The following RYR3 variants were observed in gnomAD, a reference collection of about 807,000 sequenced individuals.
RYR3 encodes the protein brain ryanodine receptor-calcium release channel.
In RYR3, 207 loss-of-function variants were observed where a neutral mutation model predicts 584.3. The ratio of observed to expected loss-of-function variants is 0.35; its 90% CI spans 0.32 to 0.40. The LOEUF (loss-of-function observed/expected upper bound fraction) is 0.40, where lower values mean the gene tolerates loss of function less well. Ranked by LOEUF, RYR3 falls within the 10% of genes least tolerant of loss-of-function variation. The probability of loss-of-function intolerance (pLI) is 1.00; values close to 1 mark genes in which losing one functional copy is unlikely to be tolerated. For synonymous variants in RYR3, 2,416 were observed against 2,248.5 expected (o/e 1.07, Z -2.11); for missense variants, 5,616 against 6,089.2 (o/e 0.92, Z 2.59).
At chr15:33,467,704 G>A (rs2048598564) in intron 1 of RYR3, among the ~76,000 whole-genome samples, 1 of 152,188 alleles carries the variant, frequency 6.6e-6, no homozygotes, top group African/African-American at 2.4e-5. Context: ...AGGAATAGCT[G>A]GCGTGTGTGA....
intron 1 of RYR3, among the ~76,000 whole-genome samples, chr15:33,314,786 T>C (rs1392208848): frequency 2.0e-5 from 3 of 152,042 alleles, no homozygotes; most frequent in Admixed American, 6.5e-5. Context: ...TGGTGGTGGG[T>C]GCCTGTAGTC....
rs560707720 is a variant in RYR3 at position 33,326,773 on chromosome 15, T to C, written c.51+15677T>C. Among the ~76,000 whole-genome samples, 4 of 152,294 alleles carry C rather than the reference T, an allele frequency of 2.6e-5. No individual in the cohort carries two copies. The South Asian group carries it at 6.2e-4, about 24-fold the overall frequency. Reference sequence around the variant, plus strand: ...GCAAATCAAGACAATCTGGCCTTAATTCTTTAGGTAATGGAGAACTAGCTA... The same window carrying C: ...GCAAATCAAGACAATCTGGCCTTAACTCTTTAGGTAATGGAGAACTAGCTA... On this transcript the variant is annotated intron_variant, in intron 1 of 103. Transcript: ENST00000634891.
chr15:33,585,027 T>A (rs2058777398), intron 15 of RYR3, among the ~76,000 whole-genome samples: 1 of 152,074 alleles, frequency 6.6e-6, no homozygotes, highest in Non-Finnish European at 1.5e-5. Context: ...AGTGTGGTCA[T>A]CATTGGGAAG....
At chr15:33,822,928 G>A in intron 80 of RYR3, 68 bp from the exon 81 acceptor site, 1 of 1,321,020 alleles carries the variant, frequency 7.6e-7, no homozygotes, top group Non-Finnish European at 1.1e-6. Context: ...TCTCCATCAG[G>A]ATTAGGAGGG....
chr15:33,484,565 A>G (rs1405831364), intron 2 of RYR3, among the ~76,000 whole-genome samples: 1 of 152,184 alleles, frequency 6.6e-6, no homozygotes, highest in Non-Finnish European at 1.5e-5. Flanking sequence ...ACTTGTGATC[A>G]TTGTATAGAT....
At chr15:33,823,516 C>A (rs1374036808) in intron 81 of RYR3, among the ~76,000 whole-genome samples, 1 of 152,148 alleles carries the variant, frequency 6.6e-6, no homozygotes, top group Non-Finnish European at 1.5e-5. Context: ...CTTAACAATT[C>A]TTTGAGCTTG....
intron 3 of RYR3, among the ~76,000 whole-genome samples, chr15:33,520,457 G>C (rs1451454459): frequency 6.6e-6 from 1 of 152,184 alleles, no homozygotes; most frequent in Non-Finnish European, 1.5e-5. Context: ...CTGATGAGGA[G>C]GAGGAGTATG....
intron 48 of RYR3, among the ~76,000 whole-genome samples, chr15:33,735,884 G>A (rs1596359950): frequency 6.6e-6 from 1 of 152,186 alleles, no homozygotes; most frequent in African/African-American, 2.4e-5. Flanking sequence ...CCTCTGCAGA[G>A]TTCAGGGGAC....
intron 32 of RYR3, among the ~76,000 whole-genome samples, chr15:33,656,130 A>G (rs2062811218): frequency 6.6e-6 from 1 of 152,246 alleles, no homozygotes; most frequent in Non-Finnish European, 1.5e-5. Context: ...GTTTGGATTT[A>G]CAAGAGGGGT....
chr15:33,831,952 C>G (rs1259633628), intron 86 of RYR3, among the ~76,000 whole-genome samples: 1 of 152,118 alleles, frequency 6.6e-6, no homozygotes, highest in Non-Finnish European at 1.5e-5. Context: ...AAAGAGCTTA[C>G]AGTGCAATTG....
At chr15:33,512,709 T>G (rs2596211) in intron 3 of RYR3, among the ~76,000 whole-genome samples, 108,891 of 152,162 alleles carry the variant, frequency 0.72, 40,529 homozygotes, top group African/African-American at 0.92. Context: ...TTGTCATAAT[T>G]GTATCTGTGA....
At chr15:33,603,711 A>T (rs998903224) in intron 18 of RYR3, among the ~76,000 whole-genome samples, 1 of 152,198 alleles carries the variant, frequency 6.6e-6, no homozygotes, top group Non-Finnish European at 1.5e-5. Flanking sequence ...TTTTATCCTC[A>T]CAGGGAGCCC....
intron 93 of RYR3, among the ~76,000 whole-genome samples, chr15:33,847,884 CAT>C (rs2078827856): frequency 6.6e-6 from 1 of 152,190 alleles, no homozygotes; most frequent in South Asian, 2.1e-4. Flanking sequence ...AACATTTCAT[CAT>C]ATTCCTGTGG....
chr15:33,792,938 C>T (rs1213354838), intron 67 of RYR3, among the ~76,000 whole-genome samples: 1 of 152,110 alleles, frequency 6.6e-6, no homozygotes, highest in Non-Finnish European at 1.5e-5. Flanking sequence ...AGTGCAGATC[C>T]CACAGGTCAA....
intron 16 of RYR3, among the ~76,000 whole-genome samples, chr15:33,593,485 A>G (rs2059232390): frequency 6.6e-6 from 1 of 152,198 alleles, no homozygotes; most frequent in Non-Finnish European, 1.5e-5. Flanking sequence ...GGAAAAATCC[A>G]TATAGGCCAC....
At chr15:33,743,397 T>C (rs1365460680) in intron 52 of RYR3, among the ~76,000 whole-genome samples, 1 of 152,216 alleles carries the variant, frequency 6.6e-6, no homozygotes, top group Non-Finnish European at 1.5e-5. Flanking sequence ...CCATCTCCAT[T>C]GCAACAACTC....
At position 33,785,921 on chromosome 15, in the gene RYR3, T is replaced by C. The variant is rs748469169; in HGVS notation, c.9528T>C (p.Ile3176=). 6.2e-7 allele frequency: 1 copy of C among 1,610,862 alleles called. No individual in the cohort carries two copies. Residue 3176 remains isoleucine, a synonymous_variant, in exon 66 of 104, where the codon ATT becomes ATC. Coordinates refer to ENST00000634891, the MANE Select transcript of RYR3 (RefSeq NM_001036.6). ...SEHLSLILGN[I]LKIINNNLGI... ...ACCTCAGTCTCATCCTGGGCAACAT[T>C]CTGAAAATCATCAACAACAACCTGG... is the stretch of plus-strand genomic sequence containing the variant.
chr15:33,328,532 A>G (rs1318903758), intron 1 of RYR3, among the ~76,000 whole-genome samples: 1 of 152,200 alleles, frequency 6.6e-6, no homozygotes, highest in Non-Finnish European at 1.5e-5. Flanking sequence ...TGCCCCAGAT[A>G]ATATTCTCTT....
At chr15:33,691,904 A>G (rs2065463734) in intron 38 of RYR3, among the ~76,000 whole-genome samples, 1 of 152,236 alleles carries the variant, frequency 6.6e-6, no homozygotes, top group Non-Finnish European at 1.5e-5. Context: ...TTGCTTTTGC[A>G]CCATCAGTGC....
Sources: gnomAD v4.1 joint callset for allele counts (sites outside exome capture counted in the v4.1 genomes callset) on GRCh38, gnomAD v4.1.1 for gene constraint, MANE v1.5 for transcripts, NCBI Gene and HGNC (gene_info 2026-07-23, HGNC 2026-07-21) for gene names.